The following CNTN5 variants were observed in gnomAD, a reference collection of about 807,000 sequenced individuals.
The protein encoded by CNTN5 is contactin-5.
In CNTN5, 77 loss-of-function variants were observed where a neutral mutation model predicts 129.1. The observed-to-expected ratio is 0.60, with a 90% confidence interval of 0.50 to 0.72. The LOEUF (loss-of-function observed/expected upper bound fraction) is 0.72, where lower values mean the gene tolerates loss of function less well. Among genes scored for constraint, CNTN5 ranks in the 30% least tolerant of loss-of-function variants. The pLI, the probability that CNTN5 is intolerant of heterozygous loss-of-function variation, is 0.00. For missense variants in CNTN5, 1,478 were observed against 1,328.8 expected, an observed-to-expected ratio of 1.11 and a Z score of -1.75; for synonymous variants, 509 against 465.6, an observed-to-expected ratio of 1.09 and a Z score of -1.20.
At chr11:99,632,679 C>T (rs957509302) in intron 3 of CNTN5, among the ~76,000 whole-genome samples, 20 of 152,140 alleles carry the variant, frequency 1.3e-4, no homozygotes, top group Admixed American at 1.1e-3. Context: ...TTATTAACCA[C>T]TGAATCAGTA....
chr11:99,052,663 T>G (rs1864474429), intron 1 of CNTN5, among the ~76,000 whole-genome samples: 1 of 151,894 alleles, frequency 6.6e-6, no homozygotes, highest in Admixed American at 6.6e-5. Context: ...GGAACATTTT[T>G]GAAAGAGTAG....
chr11:99,387,095 G>A (rs575709201), intron 2 of CNTN5, among the ~76,000 whole-genome samples: 14 of 151,942 alleles, frequency 9.2e-5, no homozygotes, highest in South Asian at 2.1e-4. Flanking sequence ...CTTTCTAACC[G>A]CATATTCTCT....
intron 13 of CNTN5, among the ~76,000 whole-genome samples, chr11:100,176,003 C>G (rs1441208794): frequency 6.6e-6 from 1 of 151,874 alleles, no homozygotes; most frequent in Non-Finnish European, 1.5e-5. Context: ...TTATAATTGA[C>G]TTTATAGTTG....
intron 4 of CNTN5, among the ~76,000 whole-genome samples, chr11:99,824,983 G>T (rs1019586140): frequency 6.6e-6 from 1 of 151,908 alleles, no homozygotes; most frequent in African/African-American, 2.4e-5. Context: ...AGTAAGAATA[G>T]CATAGTGTTT....
In CNTN5 at chr11:99,556,288, T is replaced by A; in HGVS notation, c.55+19T>A. On this transcript the variant is annotated intron_variant, in intron 3 of 24. Transcript: ENST00000524871. The stretch of plus-strand genomic sequence containing the variant: ...CTTTCAGGTAAAAGTCCTGATTAAT[T>A]AATTATTTGATTTTCTAAGTATCAA... The A allele has an allele frequency of 6.8e-7, 1 of 1,476,962 alleles. No individual in the cohort carries two copies. Among genetic ancestry groups the A allele is most frequent in the Non-Finnish European group, 9.2e-7 (1 of 1,092,606 alleles). 91.5% of individuals were successfully genotyped at this position (1,476,962 alleles called of 1,614,324 possible). A position where few individuals can be genotyped will look rare whatever the true frequency, so the allele number is the denominator to read the frequency against.
intron 10 of CNTN5, 141 bp from the exon 11 acceptor site, chr11:100,070,283 C>T: frequency 1.4e-6 from 1 of 726,570 alleles, no homozygotes; most frequent in Non-Finnish European, 2.1e-6. Flanking sequence ...GTGTGTAACG[C>T]AATGCTGTGC....
At chr11:99,867,189 G>T (rs1008204848) in intron 6 of CNTN5, among the ~76,000 whole-genome samples, 2 of 152,156 alleles carry the variant, frequency 1.3e-5, no homozygotes, top group Non-Finnish European at 2.9e-5. Context: ...GATCACTGTT[G>T]TCCAGATTTA....
intron 3 of CNTN5, among the ~76,000 whole-genome samples, chr11:99,595,649 T>C (rs968762584): frequency 9.9e-5 from 15 of 152,098 alleles, no homozygotes; most frequent in Admixed American, 3.9e-4. Context: ...AGTGTTTTTC[T>C]CTAATACCTT....
chr11:100,234,004 T>C (rs1005473495), intron 16 of CNTN5, among the ~76,000 whole-genome samples: 1 of 152,002 alleles, frequency 6.6e-6, no homozygotes, highest in Admixed American at 6.6e-5. Context: ...TGGACGCTTC[T>C]CAAAAGAAGA....
chr11:99,908,435 A>G (rs1041557452), intron 6 of CNTN5, among the ~76,000 whole-genome samples: 2 of 152,024 alleles, frequency 1.3e-5, no homozygotes, highest in African/African-American at 4.8e-5. Flanking sequence ...TGTTGTATTT[A>G]TCCTTTCACA....
intron 2 of CNTN5, among the ~76,000 whole-genome samples, chr11:99,532,325 TG>T (rs1403001463): frequency 6.6e-6 from 1 of 152,160 alleles, no homozygotes; most frequent in Non-Finnish European, 1.5e-5. Context: ...TGTACCCCAT[TG>T]TTTCTAGGAA....
intron 20 of CNTN5, among the ~76,000 whole-genome samples, chr11:100,302,280 T>G (rs1427240192): frequency 6.6e-6 from 1 of 151,610 alleles, no homozygotes; most frequent in Non-Finnish European, 1.5e-5. Flanking sequence ...TATTATACTC[T>G]TGCCAGTGCA....
intron 13 of CNTN5, among the ~76,000 whole-genome samples, chr11:100,145,881 C>T (rs369967407): frequency 3.3e-5 from 5 of 152,156 alleles, no homozygotes; most frequent in East Asian, 1.9e-4. Context: ...GTTCTGTGAT[C>T]GTCCCCAAAT....
chr11:99,504,692 T>C (rs1946553848), intron 2 of CNTN5, among the ~76,000 whole-genome samples: 2 of 152,314 alleles, frequency 1.3e-5, no homozygotes, highest in South Asian at 4.1e-4. Flanking sequence ...TACTGTAACA[T>C]CAAGTAAATT....
chr11:99,735,866 C>A (rs1229509264), intron 3 of CNTN5, among the ~76,000 whole-genome samples: 1 of 152,160 alleles, frequency 6.6e-6, no homozygotes, highest in Non-Finnish European at 1.5e-5. Context: ...AGTCACGTTG[C>A]TGTACTTTAG....
At chr11:99,245,736 A>G (rs1248194751) in intron 1 of CNTN5, among the ~76,000 whole-genome samples, 4 of 152,186 alleles carry the variant, frequency 2.6e-5, no homozygotes, top group African/African-American at 7.2e-5. Flanking sequence ...CTGTCATCTA[A>G]CGCTGGCATT....
chr11:99,946,500 A>T (rs528889797), intron 7 of CNTN5, among the ~76,000 whole-genome samples: 1 of 152,260 alleles, frequency 6.6e-6, no homozygotes, highest in African/African-American at 2.4e-5. Flanking sequence ...TCTTGGAATT[A>T]GAAAAACTGA....
chr11:99,053,250 A>G (rs1238786738), intron 1 of CNTN5, among the ~76,000 whole-genome samples: 1 of 151,882 alleles, frequency 6.6e-6, no homozygotes, highest in Non-Finnish European at 1.5e-5. Context: ...TGAAGAGCCT[A>G]CTCCTAAATT....
At chr11:99,901,612 C>G (rs1949359986) in intron 6 of CNTN5, among the ~76,000 whole-genome samples, 1 of 152,122 alleles carries the variant, frequency 6.6e-6, no homozygotes, top group African/African-American at 2.4e-5. Context: ...ATTTTCTATT[C>G]ATGAGCATAG....
Sources: gnomAD v4.1 joint callset for allele counts (sites outside exome capture counted in the v4.1 genomes callset) on GRCh38, gnomAD v4.1.1 for gene constraint, MANE v1.5 for transcripts, NCBI Gene and HGNC (gene_info 2026-07-23, HGNC 2026-07-21) for gene names.